Variants in CNTLN observed in about 807,000 individuals in gnomAD.
CNTLN encodes centlein, also known as centlein, centrosomal protein.
CNTLN carries 212 observed loss-of-function variants against 180.0 expected under a neutral mutation model. That is an observed-to-expected ratio of 1.18 (90% CI 1.05 to 1.32). The LOEUF (loss-of-function observed/expected upper bound fraction) is 1.32, where lower values mean the gene tolerates loss of function less well. CNTLN is among the 40% of genes most tolerant of loss of function. The pLI is 0.00. For missense variants in CNTLN, 2,095 were observed against 1,610.9 expected (o/e 1.30, Z -5.14); for synonymous variants, 722 against 563.1 (o/e 1.28, Z -3.99).
intron 18 of CNTLN, among the ~76,000 whole-genome samples, chr9:17,419,932 T>A (rs888197515): frequency 1.3e-4 from 20 of 152,212 alleles, no homozygotes; most frequent in Non-Finnish European, 2.8e-4. Flanking sequence ...TGTTTGTTTT[T>A]GAGACGGAGT....
At chr9:17,496,996 G>T (rs1036260784) in intron 25 of CNTLN, among the ~76,000 whole-genome samples, 1 of 152,182 alleles carries the variant, frequency 6.6e-6, no homozygotes, top group African/African-American at 2.4e-5. Context: ...GGGGGTTGGA[G>T]AAGGTGGGGT....
chr9:17,448,279 A>G (rs556345364), intron 18 of CNTLN: 12 of 153,802 alleles, frequency 7.8e-5, no homozygotes, highest in African/African-American at 2.9e-4. Flanking sequence ...GAAATTTTTC[A>G]CGGGCTTCAT....
In CNTLN at chr9:17,184,255, TA is replaced by T. The variant is rs987720022; in HGVS notation, c.449+40885del. ...GAAAATGATCAAGCATATATATGTA[TA>T]AAAAATTCTTGCTATTTTGGAATTT... On this transcript the variant is annotated intron_variant, in intron 2 of 25. Transcript: ENST00000380647. 3.3e-4 allele frequency among the ~76,000 whole-genome samples: 50 copies of T among 152,266 alleles called. 1 individual carries two copies. The highest frequency in any genetic ancestry group is 1.2e-3 in the African/African-American group (49 of 41,578).
chr9:17,257,061 G>A (rs1253603089), intron 5 of CNTLN, among the ~76,000 whole-genome samples: 1 of 151,770 alleles, frequency 6.6e-6, no homozygotes, highest in East Asian at 1.9e-4. Flanking sequence ...GTGCCATGCT[G>A]GTGCACTGCA....
At chr9:17,209,220 A>C (rs1161117730) in intron 2 of CNTLN, among the ~76,000 whole-genome samples, 2 of 152,100 alleles carry the variant, frequency 1.3e-5, no homozygotes, top group African/African-American at 2.4e-5. Context: ...GTGTTTTTAG[A>C]GGTTCCAAAA....
intron 3 of CNTLN, among the ~76,000 whole-genome samples, chr9:17,235,083 G>A (rs955864568): frequency 1.3e-5 from 2 of 152,138 alleles, no homozygotes; most frequent in African/African-American, 2.4e-5. Flanking sequence ...TAAAAATTGA[G>A]TCTGGGGTAC....
At position 17,418,235 on chromosome 9, in the gene CNTLN, C is replaced by T. The variant is rs147310195; in HGVS notation, c.3114+2046C>T. On this transcript the variant is annotated intron_variant, in intron 18 of 25. Coordinates refer to ENST00000380647, the MANE Select transcript of CNTLN (RefSeq NM_017738.4). ...TTTAGAAATTTTCCATCTCAAAAAT[C>T]GCTATGAACTCAAATAAATGTAACT... Among the ~76,000 whole-genome samples the T allele has an allele frequency of 2.1e-3, 313 of 151,942 alleles. 1 individual carries two copies. Among genetic ancestry groups the T allele is most frequent in the African/African-American group, 7.1e-3 (296 of 41,500 alleles).
At chr9:17,212,582 G>A (rs1823404250) in intron 2 of CNTLN, among the ~76,000 whole-genome samples, 1 of 152,176 alleles carries the variant, frequency 6.6e-6, no homozygotes, top group South Asian at 2.1e-4. Flanking sequence ...AATGAGTTAG[G>A]GAGGATTCCC....
In CNTLN at chr9:17,135,370, C is replaced by T. The variant is rs199893965; in HGVS notation, c.305C>T (p.Thr102Met). Residue 102 changes from threonine to methionine, a missense_variant, in exon 1 of 26, where the codon ACG becomes ATG. Coordinates refer to ENST00000380647, the MANE Select transcript of CNTLN (RefSeq NM_017738.4). ...ISVEEAMVTR[T>M]QLLEEELSSL... The stretch of plus-strand genomic sequence containing the variant: ...GTAGAGGAGGCGATGGTGACCCGGA[C>T]GCAGCTGCTGGAGGAAGAGCTGAGC... The T allele has an allele frequency of 9.2e-4, 1,476 of 1,600,018 alleles. No homozygotes were observed. The highest frequency in any genetic ancestry group is 1.2e-3 in the Non-Finnish European group (1,405 of 1,174,262).
chr9:17,369,063 T>C (rs888762385), intron 13 of CNTLN, among the ~76,000 whole-genome samples: 4 of 152,314 alleles, frequency 2.6e-5, no homozygotes, highest in African/African-American at 9.6e-5. Flanking sequence ...TCTTGAATTA[T>C]AATCCCCATA....
chr9:17,238,347 G>A (rs1825281433), intron 5 of CNTLN, among the ~76,000 whole-genome samples: 1 of 151,974 alleles, frequency 6.6e-6, no homozygotes. Context: ...TTTATTTTTG[G>A]ATGTGATGGT....
At position 17,415,387 on chromosome 9, in the gene CNTLN, T is replaced by C. The variant is rs1828147131; in HGVS notation, c.2797-401T>C. Among the ~76,000 whole-genome samples the C allele has an allele frequency of 2.0e-5, 3 of 152,202 alleles. No individual in the cohort carries two copies. In the South Asian group the frequency reaches 6.2e-4, roughly 31 times the overall value. On this transcript the variant is annotated intron_variant, in intron 16 of 25. Transcript: ENST00000380647. ...TTAATTATTCACATTTTACTTTTGT[T>C]ACGGTTACCATATTTACTCCTAAGT... is the stretch of plus-strand genomic sequence containing the variant.
chr9:17,208,121 T>C (rs2131938860), intron 2 of CNTLN, among the ~76,000 whole-genome samples: 1 of 152,318 alleles, frequency 6.6e-6, no homozygotes, highest in South Asian at 2.1e-4. Context: ...ATGGCTTTTA[T>C]TGTGTTGAGA....
At chr9:17,257,082 C>G (rs537620790) in intron 5 of CNTLN, among the ~76,000 whole-genome samples, 4 of 151,990 alleles carry the variant, frequency 2.6e-5, no homozygotes, top group African/African-American at 9.6e-5. Context: ...CCCACTAACT[C>G]GTCATCTAGC....
intron 5 of CNTLN, among the ~76,000 whole-genome samples, chr9:17,254,622 A>T (rs7046933): frequency 0.47 from 71,344 of 151,126 alleles, 17,853 homozygotes; most frequent in South Asian, 0.66. Context: ...TATAGAAATG[A>T]TTATTTCTAG....
intron 8 of CNTLN, among the ~76,000 whole-genome samples, chr9:17,321,213 A>G (rs887804988): frequency 2.6e-5 from 4 of 152,192 alleles, no homozygotes; most frequent in African/African-American, 4.8e-5. Flanking sequence ...TCGTCACAGT[A>G]TATTATTTGC....
chr9:17,170,497 A>G (rs1809195892), intron 2 of CNTLN, among the ~76,000 whole-genome samples: 2 of 151,882 alleles, frequency 1.3e-5, no homozygotes, highest in Admixed American at 6.6e-5. Flanking sequence ...TTACTTTTAC[A>G]TTCCTTTTTA....
chr9:17,217,810 A>C (rs1195763063), intron 2 of CNTLN, among the ~76,000 whole-genome samples: 3 of 152,240 alleles, frequency 2.0e-5, no homozygotes, highest in East Asian at 1.9e-4. Context: ...ATGAAATATA[A>C]GAAAATCAGG....
chr9:17,511,231 G>C, the CNTLN span, among the ~76,000 whole-genome samples: 1 of 152,146 alleles, frequency 6.6e-6, no homozygotes, highest in East Asian at 1.9e-4. Flanking sequence ...AATTGGATCA[G>C]ACATATATAA....
Sources: gnomAD v4.1 joint callset for allele counts (sites outside exome capture counted in the v4.1 genomes callset) on GRCh38, gnomAD v4.1.1 for gene constraint, MANE v1.5 for transcripts, NCBI Gene and HGNC (gene_info 2026-07-23, HGNC 2026-07-21) for gene names.